Variants in IPO11 observed in about 807,000 individuals in gnomAD.
IPO11 encodes importin-11.
A neutral mutation model predicts 143.2 loss-of-function variants in IPO11; 66 were observed. That is an observed-to-expected ratio of 0.46 (90% CI 0.38 to 0.57). The LOEUF is 0.57. IPO11 is among the 20% of genes least tolerant of loss of function. IPO11 has a pLI of 0.00. For missense variants in IPO11, 1,026 were observed against 1,141.0 expected (o/e 0.90, Z 1.45); for synonymous variants, 385 against 377.8 (o/e 1.02, Z -0.22).
chr5:62,444,761 G>GAACA (rs1744654988), intron 3 of IPO11, among the ~76,000 whole-genome samples: 1 of 151,982 alleles, frequency 6.6e-6, no homozygotes, highest in African/African-American at 2.4e-5. Context: ...CCCAGTTGCT[G>GAACA]GGGAGGGTGA....
chr5:62,475,463 A>G (rs1745924784), intron 8 of IPO11, among the ~76,000 whole-genome samples: 1 of 152,172 alleles, frequency 6.6e-6, no homozygotes, highest in African/African-American at 2.4e-5. Context: ...GTGAGCAGTG[A>G]TCTCATCACT....
intron 27 of IPO11, among the ~76,000 whole-genome samples, chr5:62,561,491 A>G (rs1025653426): frequency 1.3e-5 from 2 of 151,876 alleles, no homozygotes; most frequent in African/African-American, 4.8e-5. Context: ...TATTCATTTT[A>G]CAAATTTATT....
intron 22 of IPO11, 112 bp downstream of exon 22, chr5:62,530,897 T>C: frequency 1.3e-6 from 1 of 763,602 alleles, no homozygotes; most frequent in South Asian, 1.6e-5. Context: ...ACTTCTAGTT[T>C]AGATTCAGGG....
In IPO11 at chr5:62,451,707, T is replaced by G. The variant is rs138060845; in HGVS notation, c.313-23T>G. On this transcript the variant is annotated intron_variant, in intron 4 of 29. Transcript: ENST00000325324. The stretch of plus-strand genomic sequence containing the variant: ...TTCCTTATCTATTGCCTTGATTCCA[T>G]TTGTTTAATTTTTTCCTTTCAGATT... The G allele has an allele frequency of 2.8e-3, 4,391 of 1,594,590 alleles. 24 individuals carry two copies. Among genetic ancestry groups the G allele is most frequent in the Middle Eastern group, 0.022 (132 of 6,030 alleles).
At chr5:62,623,299 G>T (rs1746439059) in intron 29 of IPO11, among the ~76,000 whole-genome samples, 1 of 152,124 alleles carries the variant, frequency 6.6e-6, no homozygotes, top group Admixed American at 6.5e-5. Flanking sequence ...AAGTTTCATG[G>T]AAAGGAAGCC....
At chr5:62,444,233 C>T (rs1744626515) in intron 3 of IPO11, among the ~76,000 whole-genome samples, 1 of 151,830 alleles carries the variant, frequency 6.6e-6, no homozygotes, top group Admixed American at 6.6e-5. Flanking sequence ...GCTGGGACTA[C>T]AGGTGCTTGC....
chr5:62,465,545 TG>T (rs1466773544), intron 5 of IPO11, among the ~76,000 whole-genome samples: 2 of 152,238 alleles, frequency 1.3e-5, no homozygotes, highest in African/African-American at 4.8e-5. Flanking sequence ...TATGATACAG[TG>T]GTTTGTGTTG....
chr5:62,420,038 C>G (rs1462481713), intron 1 of IPO11, among the ~76,000 whole-genome samples: 1 of 152,052 alleles, frequency 6.6e-6, no homozygotes, highest in African/African-American at 2.4e-5. Flanking sequence ...CGCCTGTAAT[C>G]TTAGCACTTC....
chr5:62,441,298 A>G (rs1744467199), intron 2 of IPO11, among the ~76,000 whole-genome samples: 1 of 151,592 alleles, frequency 6.6e-6, no homozygotes, highest in South Asian at 2.1e-4. Flanking sequence ...TCCCGGGTTC[A>G]AGTGATTCTC....
intron 28 of IPO11, 114 bp downstream of exon 28, chr5:62,591,786 C>T (rs1165300527): frequency 3.4e-6 from 2 of 584,424 alleles, no homozygotes; most frequent in African/African-American, 2.0e-5. Flanking sequence ...TATAATTTCT[C>T]TTTTATACAG....
chr5:62,490,116 G>C lies in IPO11; in HGVS notation c.1359G>C (p.Val453=). 4 of 1,585,102 alleles carry C rather than the reference G, an allele frequency of 2.5e-6. No individual in the cohort carries two copies. The highest frequency in any genetic ancestry group is 3.4e-6 in the Non-Finnish European group (4 of 1,167,814). The change falls in exon 15 of 30, where the codon GTG becomes GTC. Residue 453 remains valine (V), a splice_region_variant and synonymous_variant. Transcript: ENST00000325324. ...TTTTTTCTTAAATTTTCTTCTCAGT[G>C]TATAATGCTGTTGGATTAGCTGCTT... ...DMNALLIKDA[V]YNAVGLAAYE...
intron 7 of IPO11, among the ~76,000 whole-genome samples, chr5:62,472,265 T>G (rs145500211): frequency 3.6e-4 from 55 of 152,342 alleles, no homozygotes; most frequent in African/African-American, 1.3e-3. Context: ...TCTCATTATA[T>G]TAACCAGAAT....
chr5:62,576,267 G>T, intron 27 of IPO11: 1 of 155,030 alleles, frequency 6.5e-6, no homozygotes, highest in South Asian at 1.8e-4. Context: ...CAGCCTTCCA[G>T]AAATACTTGC....
chr5:62,420,366 G>T (rs1743469844), intron 1 of IPO11, among the ~76,000 whole-genome samples: 3 of 151,568 alleles, frequency 2.0e-5, no homozygotes, highest in Non-Finnish European at 4.4e-5. Flanking sequence ...TCACTTTCAA[G>T]TGTTATGTAC....
At chr5:62,417,321 A>ATTTTTTTTTTTT (rs34767317) in intron 1 of IPO11, among the ~76,000 whole-genome samples, 12 of 65,354 alleles carry the variant, frequency 1.8e-4, no homozygotes, top group East Asian at 5.6e-4. Flanking sequence ...TTATTGGTTA[A>ATTTTTTTTTTTT]TTTTTTTTTT....
chr5:62,419,594 A>G (rs887211949), intron 1 of IPO11, among the ~76,000 whole-genome samples: 3 of 152,162 alleles, frequency 2.0e-5, no homozygotes, highest in Non-Finnish European at 4.4e-5. Flanking sequence ...GTCATCTTCT[A>G]TGATAGCAAT....
At chr5:62,579,650 A>AT (rs1348628828) in intron 27 of IPO11, 2 of 1,546,146 alleles carry the variant, frequency 1.3e-6, no homozygotes, top group African/African-American at 2.8e-5. Flanking sequence ...ACTGGGAATA[A>AT]TATATCTTAT....
At position 62,495,790 on chromosome 5, in the gene IPO11, A is replaced by G. The variant is rs75753877; in HGVS notation, c.1590+1666A>G. ...TGGGCCCCGAAATTGCTTGGGTCTT[A>G]GACTTGTTTTATAATGAGTCTATTA... is the stretch of plus-strand genomic sequence containing the variant. On this transcript the variant is annotated intron_variant, in intron 16 of 29. Transcript: ENST00000325324. 1.8e-3 allele frequency among the ~76,000 whole-genome samples: 272 copies of G among 152,274 alleles called. 6 individuals carry two copies. The East Asian group carries it at 0.025, about 14-fold the overall frequency.
At chr5:62,526,064 T>C in intron 20 of IPO11, 78 bp from the exon 21 acceptor site, 2 of 862,014 alleles carry the variant, frequency 2.3e-6, no homozygotes, top group Non-Finnish European at 3.8e-6. Context: ...TTAGGGCTTT[T>C]TGTATGATAG....
Sources: allele counts gnomAD v4.1 joint callset (sites outside exome capture counted in the v4.1 genomes callset), GRCh38; gene constraint gnomAD v4.1.1; transcripts MANE v1.5; gene names NCBI Gene and HGNC (gene_info 2026-07-23, HGNC 2026-07-21).